The following CARD8 variants were observed in gnomAD, a reference collection of about 807,000 sequenced individuals.
CARD8 encodes caspase recruitment domain family member 8.
CARD8 carries 38 observed loss-of-function variants against 53.2 expected under a neutral mutation model. The ratio of observed to expected loss-of-function variants is 0.71; its 90% confidence interval spans 0.55 to 0.94. CARD8 has a LOEUF of 0.94. Among genes scored for constraint, CARD8 ranks in the 40% least tolerant of loss-of-function variants. The probability of loss-of-function intolerance (pLI) is 0.00; values close to 1 mark genes in which losing one functional copy is unlikely to be tolerated. For synonymous variants in CARD8, 245 were observed against 244.9 expected (o/e 1.00, Z 0.00); for missense variants, 561 against 655.5 (o/e 0.86, Z 1.57).
At chr19:48,241,800 T>C (rs1385804123) in intron 3 of CARD8, among the ~76,000 whole-genome samples, 1 of 152,230 alleles carries the variant, frequency 6.6e-6, no homozygotes, top group East Asian at 1.9e-4. Context: ...TGCTATGACA[T>C]TTTTTAAAGA....
chr19:48,204,281 G>A (rs1160295422), downstream of CARD8: 3 of 437,216 alleles, frequency 6.9e-6, no homozygotes, highest in East Asian at 7.2e-5. Flanking sequence ...GACCTCGCGG[G>A]AGAAATTAGA....
At chr19:48,239,050 G>C (rs760109402) in intron 4 of CARD8, among the ~76,000 whole-genome samples, 1 of 152,218 alleles carries the variant, frequency 6.6e-6, no homozygotes, top group Non-Finnish European at 1.5e-5. Context: ...AACTATAGGA[G>C]CATAACAAGG....
At chr19:48,232,223 C>A in intron 7 of CARD8, 2 of 599,840 alleles carry the variant, frequency 3.3e-6, no homozygotes, top group South Asian at 4.0e-5. Flanking sequence ...CTAGGCCCTG[C>A]TGCTGTCCCC....
At chr19:48,221,218 G>A (rs979309624) in intron 11 of CARD8, among the ~76,000 whole-genome samples, 2 of 152,138 alleles carry the variant, frequency 1.3e-5, no homozygotes, top group Non-Finnish European at 2.9e-5. Context: ...AATTACATGC[G>A]ACTAAATGTT....
intron 13 of CARD8, 56 bp downstream of exon 13, chr19:48,215,284 A>G (rs372368339): frequency 4.6e-6 from 6 of 1,303,380 alleles, no homozygotes; most frequent in South Asian, 1.2e-5. Context: ...CTGTCACTCA[A>G]AGACCCCTTG....
chr19:48,241,435 T>C (rs375925818), intron 3 of CARD8, among the ~76,000 whole-genome samples: 4 of 152,280 alleles, frequency 2.6e-5, no homozygotes, highest in Admixed American at 6.5e-5. Flanking sequence ...TTTCTATTTT[T>C]AGTATAGACA....
At chr19:48,232,852 G>A in intron 6 of CARD8, 3 of 464,934 alleles carry the variant, frequency 6.5e-6, no homozygotes, top group Middle Eastern at 6.9e-4. Flanking sequence ...AAATAATAGA[G>A]ATAACACACT....
chr19:48,230,304 G>C (rs1285024212), intron 10 of CARD8, 134 bp downstream of exon 10: 13 of 953,674 alleles, frequency 1.4e-5, no homozygotes, highest in Non-Finnish European at 2.0e-5. Flanking sequence ...TGAACCTCAG[G>C]AAGGGTGACT....
rs1328169053 is a variant in CARD8, at chr19:48,211,520, T to C, written c.*190A>G. Reference sequence around the variant, plus strand: ...ATATTACTACCTTCTTCAGACATTCTTGAGGAAAATGCATGAGGATACAGT... The same window carrying C: ...ATATTACTACCTTCTTCAGACATTCCTGAGGAAAATGCATGAGGATACAGT... On this transcript the variant is annotated 3_prime_UTR_variant, in exon 14 of 14. Coordinates refer to ENST00000651546, the MANE Select transcript of CARD8 (RefSeq NM_001184900.3). 2 of 585,376 alleles carry C rather than the reference T, an allele frequency of 3.4e-6. No homozygotes were observed. Among genetic ancestry groups the C allele is most frequent in the African/African-American group, 1.9e-5 (1 of 53,662 alleles). The allele number at this position is 585,376 out of a possible 1,614,324, so 36.3% of individuals were successfully genotyped here. A position where few individuals can be genotyped will look rare whatever the true frequency, so the allele number is the denominator to read the frequency against.
chr19:48,216,011 T>C (rs2039208458), intron 12 of CARD8, among the ~76,000 whole-genome samples: 1 of 152,036 alleles, frequency 6.6e-6, no homozygotes, highest in Non-Finnish European at 1.5e-5. Flanking sequence ...TCCCATCTCC[T>C]GTGAGGTCTC....
chr19:48,210,326 C>A lies in CARD8; in HGVS notation c.*1384G>T, dbSNP rs189613466. On this transcript the variant is annotated 3_prime_UTR_variant, in exon 14 of 14. Coordinates refer to ENST00000651546, the MANE Select transcript of CARD8 (RefSeq NM_001184900.3). Reference sequence around the variant, plus strand: ...TAAGAGAATCTGTACCTATCAGAACCACTCTAAAAGAACTAAAAAACGTCT... The same window carrying A: ...TAAGAGAATCTGTACCTATCAGAACAACTCTAAAAGAACTAAAAAACGTCT... The A allele has an allele frequency of 4.5e-4, 69 of 152,160 alleles. 2 individuals are homozygous for A. The highest frequency in any genetic ancestry group is 1.6e-3 in the African/African-American group (67 of 41,534). The allele number at this position is 152,160 out of a possible 1,614,324, so 9.4% of individuals were successfully genotyped here.
intron 3 of CARD8, among the ~76,000 whole-genome samples, chr19:48,246,895 A>G (rs2046209654): frequency 6.6e-6 from 1 of 152,242 alleles, no homozygotes; most frequent in Non-Finnish European, 1.5e-5. Context: ...AACTTTATGG[A>G]CATCTTTGAA....
chr19:48,222,495 C>A (rs1014177939), intron 10 of CARD8, among the ~76,000 whole-genome samples: 1 of 152,076 alleles, frequency 6.6e-6, no homozygotes, highest in African/African-American at 2.4e-5. Flanking sequence ...TTGAGACCAG[C>A]GTGGCCAGCA....
chr19:48,211,637 G>T lies in CARD8; in HGVS notation c.*73C>A, dbSNP rs908522427. The T allele has an allele frequency of 2.2e-5, 31 of 1,415,352 alleles. No individual in the cohort carries two copies. Among genetic ancestry groups the T allele is most frequent in the Non-Finnish European group, 2.9e-5 (30 of 1,027,522 alleles). The allele number at this position is 1,415,352 out of a possible 1,614,324, so 87.7% of individuals were successfully genotyped here. A position where few individuals can be genotyped will look rare whatever the true frequency, so the allele number is the denominator to read the frequency against. On this transcript the variant is annotated 3_prime_UTR_variant, in exon 14 of 14. Coordinates refer to ENST00000651546, the MANE Select transcript of CARD8 (RefSeq NM_001184900.3). The stretch of plus-strand genomic sequence containing the variant: ...TTCTGTCTTGAACACTGAAATCAAT[G>T]ATCACATTTCTGTTTATCCATTTCC...
At chr19:48,218,040 CT>C (rs2039691119) in intron 12 of CARD8, among the ~76,000 whole-genome samples, 1 of 152,090 alleles carries the variant, frequency 6.6e-6, no homozygotes, top group African/African-American at 2.4e-5. Flanking sequence ...TCTTTACCCC[CT>C]AGGTTCGAGG....
rs1023474752 is a variant in CARD8 at position 48,224,613 on chromosome 19, T to C, written c.1036-2758A>G. Among the ~76,000 whole-genome samples the C allele has an allele frequency of 3.3e-5, 5 of 152,132 alleles. No individual in the cohort carries two copies. The South Asian group carries it at 6.2e-4, about 19-fold the overall frequency. The stretch of plus-strand genomic sequence containing the variant: ...AGTGCAACAATAGATATTTAGAGTT[T>C]GATTATGGTTTGAAGTGAAGAAGAG... On this transcript the variant is annotated intron_variant, in intron 10 of 13. Transcript: ENST00000651546.
At chr19:48,239,377 G>A (rs555994047) in intron 4 of CARD8, among the ~76,000 whole-genome samples, 1 of 151,924 alleles carries the variant, frequency 6.6e-6, no homozygotes, top group Non-Finnish European at 1.5e-5. Flanking sequence ...ATTACTTAGC[G>A]CAAGAGTTGG....
chr19:48,250,601 T>C (rs537838101), intron 1 of CARD8, among the ~76,000 whole-genome samples: 3 of 152,312 alleles, frequency 2.0e-5, no homozygotes, highest in East Asian at 3.9e-4. Flanking sequence ...GTAATTAAGA[T>C]TTGATGTCCC....
At chr19:48,234,286 C>A (rs1338193131) in intron 6 of CARD8, 117 bp downstream of exon 6, 3 of 1,020,096 alleles carry the variant, frequency 2.9e-6, no homozygotes. Context: ...ATTGCATAAG[C>A]TCATTCATTC....
Sources: gnomAD v4.1 joint callset for allele counts (sites outside exome capture counted in the v4.1 genomes callset) on GRCh38, gnomAD v4.1.1 for gene constraint, MANE v1.5 for transcripts, NCBI Gene and HGNC (gene_info 2026-07-23, HGNC 2026-07-21) for gene names.